SV2C: variants seen among roughly 807,000 people sequenced by gnomAD.
The protein encoded by SV2C is synaptic vesicle glycoprotein 2C, also known as solute carrier family 22 member B3.
In SV2C, 49 loss-of-function variants were observed where a neutral mutation model predicts 79.7. The ratio of observed to expected loss-of-function variants is 0.61; its 90% CI spans 0.49 to 0.78. The LOEUF (loss-of-function observed/expected upper bound fraction) is 0.78. SV2C is among the 30% of genes least tolerant of loss of function. SV2C has a pLI of 0.00. For synonymous variants in SV2C, 334 were observed against 333.2 expected, an observed-to-expected ratio of 1.00 and a Z score of -0.03; for missense variants, 833 against 912.9, an observed-to-expected ratio of 0.91 and a Z score of 1.13.
intron 4 of SV2C, among the ~76,000 whole-genome samples, chr5:76,219,844 A>T (rs1745017003): frequency 6.6e-6 from 1 of 152,244 alleles, no homozygotes; most frequent in African/African-American, 2.4e-5. Context: ...TTATTGTGGA[A>T]TTGAAGTCTG....
intron 4 of SV2C, among the ~76,000 whole-genome samples, chr5:76,244,590 C>A (rs541638822): frequency 1.3e-5 from 2 of 152,246 alleles, no homozygotes; most frequent in South Asian, 2.1e-4. Context: ...TTGGTATTAT[C>A]CTTTAAATCT....
upstream of SV2C, among the ~76,000 whole-genome samples, chr5:76,080,474 GGAAAA>G: frequency 6.6e-6 from 1 of 152,120 alleles, no homozygotes; most frequent in South Asian, 2.1e-4. Context: ...CGCAGGCTTT[GGAAAA>G]CCTTGCCCTG....
At chr5:76,173,084 A>T (rs1158421571) in intron 2 of SV2C, among the ~76,000 whole-genome samples, 4 of 147,534 alleles carry the variant, frequency 2.7e-5, no homozygotes, top group African/African-American at 7.4e-5. Flanking sequence ...AAAAAAAATT[A>T]AAAAAACTAT....
the SV2C span, among the ~76,000 whole-genome samples, chr5:75,895,410 G>T: frequency 6.6e-6 from 1 of 152,000 alleles, no homozygotes; most frequent in Non-Finnish European, 1.5e-5. Context: ...TATGTCTAAA[G>T]AATCAAAGAA....
At chr5:75,968,905 A>G in the SV2C span, among the ~76,000 whole-genome samples, 2 of 152,312 alleles carry the variant, frequency 1.3e-5, no homozygotes, top group African/African-American at 4.8e-5. Flanking sequence ...GAAGGAAAAA[A>G]TGTTAACGGC....
At chr5:75,854,525 G>A in the SV2C span, among the ~76,000 whole-genome samples, 1 of 152,050 alleles carries the variant, frequency 6.6e-6, no homozygotes, top group Non-Finnish European at 1.5e-5. Context: ...ATTTTGTGAT[G>A]TGCCTCTTTA....
chr5:76,094,338 C>T (rs908563131), intron 1 of SV2C, among the ~76,000 whole-genome samples: 1 of 152,060 alleles, frequency 6.6e-6, no homozygotes, highest in Non-Finnish European at 1.5e-5. Flanking sequence ...GCCTCCTTTC[C>T]CAGAGACACT....
intron 3 of SV2C, among the ~76,000 whole-genome samples, chr5:76,198,429 G>GTGTGTTCT (rs1744337671): frequency 6.6e-6 from 1 of 152,056 alleles, no homozygotes; most frequent in African/African-American, 2.4e-5. Flanking sequence ...GCACATGCCA[G>GTGTGTTCT]CTCCCCTTTG....
chr5:76,271,639 T>A lies in SV2C; in HGVS notation c.914-13523T>A, dbSNP rs1328231229. Reference sequence around the variant, plus strand: ...TTCTTTTTTTTTTTTTTTTTTTTTTTTGTATTTTTAGTAGAGACAGGGTTT... The same window carrying A: ...TTCTTTTTTTTTTTTTTTTTTTTTTATGTATTTTTAGTAGAGACAGGGTTT... On this transcript the variant is annotated intron_variant, in intron 4 of 12. Coordinates refer to ENST00000502798, the MANE Select transcript of SV2C (RefSeq NM_014979.4). Among the ~76,000 whole-genome samples, 8 of 142,480 alleles carry A rather than the reference T, an allele frequency of 5.6e-5. No individual in the cohort carries two copies. The East Asian group carries it at 1.4e-3, about 25-fold the overall frequency. The allele number at this position is 142,480 out of a possible 152,430, so 93.5% of individuals were successfully genotyped here. A position where few individuals can be genotyped will look rare whatever the true frequency, so the allele number is the denominator to read the frequency against.
At chr5:75,920,748 A>G in the SV2C span, 1 of 777,366 alleles carries the variant, frequency 1.3e-6, no homozygotes, top group Non-Finnish European at 2.4e-6. Context: ...GGTGCGGTTC[A>G]GGAGGATGGT....
At chr5:76,071,320 T>G in the SV2C span, among the ~76,000 whole-genome samples, 1 of 152,110 alleles carries the variant, frequency 6.6e-6, no homozygotes, top group Non-Finnish European at 1.5e-5. Context: ...GAGCAGGAGT[T>G]ATAAAAGAAC....
chr5:76,255,845 T>C (rs1746246920), intron 4 of SV2C, among the ~76,000 whole-genome samples: 1 of 152,174 alleles, frequency 6.6e-6, no homozygotes, highest in African/African-American at 2.4e-5. Flanking sequence ...AATGCCCAGT[T>C]CTTCCTGCCT....
intron 4 of SV2C, among the ~76,000 whole-genome samples, chr5:76,244,123 A>C (rs1050196360): frequency 6.6e-6 from 1 of 152,200 alleles, no homozygotes; most frequent in African/African-American, 2.4e-5. Flanking sequence ...TGGCATCTTC[A>C]GTTAGAATGA....
At chr5:75,882,959 T>C in the SV2C span, among the ~76,000 whole-genome samples, 1 of 150,312 alleles carries the variant, frequency 6.7e-6, no homozygotes, top group Non-Finnish European at 1.5e-5. Context: ...AGGGCTAATA[T>C]CCAGAATCTA....
intron 2 of SV2C, among the ~76,000 whole-genome samples, chr5:76,189,009 C>A (rs1744013603): frequency 6.6e-6 from 1 of 151,836 alleles, no homozygotes; most frequent in South Asian, 2.1e-4. Flanking sequence ...CACCCCACTC[C>A]CACCCCCATG....
chr5:76,052,526 A>G, the SV2C span, among the ~76,000 whole-genome samples: 7,723 of 152,278 alleles, frequency 0.051, 597 homozygotes, highest in African/African-American at 0.17. Flanking sequence ...TGCTGTGACT[A>G]CCAGGGACTT....
the SV2C span, among the ~76,000 whole-genome samples, chr5:75,990,816 G>T: frequency 6.6e-6 from 1 of 152,036 alleles, no homozygotes; most frequent in African/African-American, 2.4e-5. Flanking sequence ...AAAAAAAAGT[G>T]AAGGGTATAC....
intron 4 of SV2C, among the ~76,000 whole-genome samples, chr5:76,216,485 G>T (rs1220308063): frequency 1.3e-5 from 2 of 152,210 alleles, no homozygotes; most frequent in Non-Finnish European, 2.9e-5. Context: ...GTGCCTGTAA[G>T]AGCTGAAAAT....
Position 76,083,531 on chromosome 5 carries a change from G to A in SV2C, c.-102+19G>A, listed in dbSNP as rs1747064995. On this transcript the variant is annotated intron_variant, in intron 1 of 12. Transcript: ENST00000502798. ...TGGAGCGGTGAGTGGGGGAGGTGAA[G>A]CGGGCATCCGCGGGGAGACTTTCCC... 6.6e-6 allele frequency: 1 copy of A among 152,382 alleles called. No homozygotes were observed. Among genetic ancestry groups the A allele is most frequent in the African/African-American group, 2.4e-5 (1 of 41,480 alleles). The allele number at this position is 152,382 out of a possible 1,614,324, so 9.4% of individuals were successfully genotyped here.
Sources: allele counts gnomAD v4.1 joint callset (sites outside exome capture counted in the v4.1 genomes callset), GRCh38; gene constraint gnomAD v4.1.1; transcripts MANE v1.5; gene names NCBI Gene and HGNC (gene_info 2026-07-23, HGNC 2026-07-21).